The following CTBP2 variants were observed in gnomAD, a reference collection of about 807,000 sequenced individuals.
The protein encoded by CTBP2 is C-terminal binding protein 2.
In CTBP2, 30 loss-of-function variants were observed where a neutral mutation model predicts 80.3. The observed-to-expected ratio is 0.37, with a 90% CI of 0.28 to 0.51. The LOEUF is 0.51. Among genes scored for constraint, CTBP2 ranks in the 20% least tolerant of loss-of-function variants. CTBP2 has a pLI of 0.93. For missense variants in CTBP2, 1,212 were observed against 1,375.3 expected (o/e 0.88, Z 1.88); for synonymous variants, 594 against 587.4 (o/e 1.01, Z -0.16).
intron 2 of CTBP2, among the ~76,000 whole-genome samples, chr10:125,050,833 G>A (rs1380456233): frequency 1.3e-5 from 2 of 152,212 alleles, no homozygotes; most frequent in Non-Finnish European, 2.9e-5. Context: ...TTGCTGGGGA[G>A]GAGTAGACAA....
rs1337285997 is a variant in CTBP2, at chr10:125,066,036, G to A, written c.-101-26881C>T. Among the ~76,000 whole-genome samples, 1 of 151,092 alleles carries A rather than the reference G, an allele frequency of 6.6e-6. No individual in the cohort carries two copies. Among genetic ancestry groups the A allele is most frequent in the Non-Finnish European group, 1.5e-5 (1 of 67,986 alleles). The stretch of plus-strand genomic sequence containing the variant: ...GGATCGCTTGAGCCCAGAAGGCAGA[G>A]GTTACAGTGAGCCCTGATTGTGCCA... On this transcript the variant is annotated intron_variant, in intron 2 of 10. Coordinates refer to the CTBP2 transcript ENST00000337195. This position sits in a 1 kb window ranked among gnomAD's most constrained non-coding sequence, Gnocchi z 4.1.
chr10:125,051,528 T>C (rs1301266322), intron 2 of CTBP2, among the ~76,000 whole-genome samples: 1 of 152,034 alleles, frequency 6.6e-6, no homozygotes, highest in Non-Finnish European at 1.5e-5. Context: ...TAATCCCAGC[T>C]ACTCAGGAGG....
chr10:125,095,875 TA>T (rs1271344372), intron 2 of CTBP2, among the ~76,000 whole-genome samples: 1 of 152,176 alleles, frequency 6.6e-6, no homozygotes, highest in African/African-American at 2.4e-5. Context: ...CAGGATTCAC[TA>T]AGCCTTGCTA....
chr10:125,083,559 C>T (rs1847504915), intron 2 of CTBP2, among the ~76,000 whole-genome samples: 1 of 152,206 alleles, frequency 6.6e-6, no homozygotes, highest in South Asian at 2.1e-4. Context: ...AAAATGCCAC[C>T]AGGATCAAAG....
At chr10:125,093,171 T>A (rs1849041678) in intron 2 of CTBP2, among the ~76,000 whole-genome samples, 1 of 152,210 alleles carries the variant, frequency 6.6e-6, no homozygotes, top group Admixed American at 6.5e-5. Flanking sequence ...GCTTTCTACA[T>A]GAGCATCTTT....
intron 1 of CTBP2, among the ~76,000 whole-genome samples, chr10:125,130,318 G>A (rs866116716): frequency 6.6e-6 from 1 of 152,104 alleles, no homozygotes; most frequent in Non-Finnish European, 1.5e-5. Context: ...AAAAATGCAG[G>A]GATTACAGGT....
intron 1 of CTBP2, among the ~76,000 whole-genome samples, chr10:125,018,978 C>T (rs1025888040): frequency 6.6e-6 from 1 of 152,220 alleles, no homozygotes; most frequent in Non-Finnish European, 1.5e-5. Context: ...AGGGGGCCGC[C>T]CACTCTGTCA....
At chr10:125,108,068 T>A (rs1851723916) in intron 2 of CTBP2, among the ~76,000 whole-genome samples, 1 of 152,214 alleles carries the variant, frequency 6.6e-6, no homozygotes. Context: ...GAAGTCTTTT[T>A]CCAGGAGAAG....
At chr10:125,033,313 T>C (rs996222935) in intron 3 of CTBP2, among the ~76,000 whole-genome samples, 1 of 152,122 alleles carries the variant, frequency 6.6e-6, no homozygotes, top group Non-Finnish European at 1.5e-5. Flanking sequence ...GTGGAAGGGC[T>C]GAGAAAGGCA....
intron 4 of CTBP2, chr10:124,997,595 C>A (rs148824862): frequency 7.1e-6 from 2 of 280,842 alleles, no homozygotes; most frequent in South Asian, 1.0e-4. Flanking sequence ...AGCCCCTACA[C>A]GAGCCCCAAG....
intron 4 of CTBP2, 34 bp downstream of exon 6, chr10:124,997,930 G>C: frequency 6.3e-7 from 1 of 1,588,952 alleles, no homozygotes; most frequent in Non-Finnish European, 8.6e-7. Context: ...CAGTGTCGGA[G>C]GGGTTGGGGG....
chr10:125,018,565 A>AACC (rs1956746028), intron 1 of CTBP2, among the ~76,000 whole-genome samples: 1 of 81,702 alleles, frequency 1.2e-5, no homozygotes, highest in Non-Finnish European at 2.7e-5. Context: ...ACAAACAAAC[A>AACC]AACAAACAAA....
upstream of CTBP2, among the ~76,000 whole-genome samples, chr10:125,161,996 G>A (rs915779842): frequency 6.6e-6 from 1 of 152,228 alleles, no homozygotes; most frequent in African/African-American, 2.4e-5. Flanking sequence ...CGACGTCCGA[G>A]CGCCGTCTCC....
chr10:125,096,808 T>C (rs1464857350), intron 2 of CTBP2, among the ~76,000 whole-genome samples: 8 of 151,524 alleles, frequency 5.3e-5, no homozygotes, highest in East Asian at 2.0e-4. Context: ...ATGTCTGATA[T>C]ACAAGAGTGC....
At chr10:125,102,156 A>G (rs1308216375) in intron 2 of CTBP2, among the ~76,000 whole-genome samples, 1 of 152,200 alleles carries the variant, frequency 6.6e-6, no homozygotes, top group Non-Finnish European at 1.5e-5. Flanking sequence ...GGGGAAACTG[A>G]GGCACTAGGC....
At chr10:125,036,686 T>C (rs1958925582) in intron 3 of CTBP2, among the ~76,000 whole-genome samples, 1 of 104,138 alleles carries the variant, frequency 9.6e-6, no homozygotes, top group Non-Finnish European at 1.9e-5. Context: ...TGTGTGTGTG[T>C]GTGTGTGTGT....
intron 5 of CTBP2, 86 bp downstream of exon 7, chr10:124,994,383 C>T (rs1364835013): frequency 2.2e-5 from 29 of 1,328,772 alleles, no homozygotes; most frequent in African/African-American, 1.0e-4. Flanking sequence ...AAACCACCTC[C>T]GTTGCCCTCC....
intron 3 of CTBP2, among the ~76,000 whole-genome samples, chr10:125,037,884 G>A (rs1469148092): frequency 6.6e-6 from 1 of 152,144 alleles, no homozygotes; most frequent in Non-Finnish European, 1.5e-5. Context: ...CTATTTATAT[G>A]TATATCTCTA....
At chr10:125,161,765 T>G (rs999214159), upstream of CTBP2, among the ~76,000 whole-genome samples, 8 of 151,186 alleles carry the variant, frequency 5.3e-5, no homozygotes, top group African/African-American at 1.9e-4. Context: ...CCGGGGCATT[T>G]GAGAAGCCCT....
Sources: gnomAD v4.1 joint callset for allele counts (sites outside exome capture counted in the v4.1 genomes callset) on GRCh38, gnomAD v4.1.1 for gene constraint, Gnocchi (gnomAD v3.1) non-coding constraint, MANE v1.5 for transcripts, NCBI Gene and HGNC (gene_info 2026-07-23, HGNC 2026-07-21) for gene names.